Variants in KCNH1 observed in about 807,000 individuals in gnomAD.
KCNH1 encodes potassium voltage-gated channel subfamily H member 1.
KCNH1 carries 27 observed loss-of-function variants against 69.2 expected under a neutral mutation model. The observed-to-expected ratio is 0.39, with a 90% CI of 0.29 to 0.54. KCNH1 has a LOEUF of 0.54. Ranked by LOEUF, KCNH1 falls within the 20% of genes least tolerant of loss-of-function variation. The probability of loss-of-function intolerance (pLI) is 0.68; values close to 1 mark genes in which losing one functional copy is unlikely to be tolerated. For missense variants in KCNH1, 798 were observed against 1,261.6 expected, an observed-to-expected ratio of 0.63 and a Z score of 5.57; for synonymous variants, 456 against 487.7, an observed-to-expected ratio of 0.93 and a Z score of 0.86.
At chr1:210,903,437 A>G (rs1273355133) in intron 7 of KCNH1, among the ~76,000 whole-genome samples, 1 of 152,156 alleles carries the variant, frequency 6.6e-6, no homozygotes, top group Non-Finnish European at 1.5e-5. Flanking sequence ...ATGGCCTCTT[A>G]ATGTCATTAA....
At chr1:211,031,811 A>G (rs1358711753) in intron 5 of KCNH1, among the ~76,000 whole-genome samples, 6 of 152,218 alleles carry the variant, frequency 3.9e-5, no homozygotes, top group African/African-American at 1.4e-4. Flanking sequence ...ATCATACTGA[A>G]TGGACAAAAA....
At chr1:210,891,626 T>C (rs1157593799) in intron 7 of KCNH1, among the ~76,000 whole-genome samples, 1 of 151,714 alleles carries the variant, frequency 6.6e-6, no homozygotes, top group Non-Finnish European at 1.5e-5. Flanking sequence ...GGAGTGTAAA[T>C]TAGTTCAACT....
chr1:210,750,342 G>A (rs1683255940), intron 10 of KCNH1, among the ~76,000 whole-genome samples: 1 of 152,150 alleles, frequency 6.6e-6, no homozygotes, highest in African/African-American at 2.4e-5. Context: ...CACACACGAG[G>A]ACTTGCACAC....
intron 6 of KCNH1, among the ~76,000 whole-genome samples, chr1:210,955,275 A>G (rs189365211): frequency 1.7e-4 from 26 of 152,302 alleles, no homozygotes; most frequent in Non-Finnish European, 2.9e-4. Flanking sequence ...CTGCTTTGGT[A>G]CCAGAAGCAT....
Position 211,107,316 on chromosome 1 carries a change from A to G in KCNH1, c.141T>C (p.Asp47=), listed in dbSNP as rs748800528. ...IVDWPIVYSN[D]GFCKLSGYHR... is the part of the protein sequence containing the mutation. Reference sequence around the variant, plus strand: ...GATAGCCAGACAGCTTGCAAAATCCATCATTGCTGTACACAATAGGCCAGT... The same window carrying G: ...GATAGCCAGACAGCTTGCAAAATCCGTCATTGCTGTACACAATAGGCCAGT... The change falls in exon 2 of 11, where the codon GAT becomes GAC. Residue 47 remains aspartate, a synonymous_variant. Coordinates refer to ENST00000271751, the MANE Select transcript of KCNH1 (RefSeq NM_172362.3). The G allele has an allele frequency of 5.6e-6, 9 of 1,613,632 alleles. No homozygotes were observed. The highest frequency in any genetic ancestry group is 1.1e-5 in the South Asian group (1 of 91,062).
intron 8 of KCNH1, among the ~76,000 whole-genome samples, chr1:210,803,071 G>T (rs1396554015): frequency 6.6e-6 from 1 of 152,134 alleles, no homozygotes; most frequent in Non-Finnish European, 1.5e-5. Context: ...TCACAGATCT[G>T]GGATGGAGGC....
At chr1:210,807,395 A>G (rs1453942568) in intron 7 of KCNH1, among the ~76,000 whole-genome samples, 1 of 152,116 alleles carries the variant, frequency 6.6e-6, no homozygotes, top group Non-Finnish European at 1.5e-5. Context: ...ACTTGAGGCC[A>G]GGAGTTTAAG....
chr1:210,965,746 T>C (rs1298867263), intron 6 of KCNH1, among the ~76,000 whole-genome samples: 3 of 152,062 alleles, frequency 2.0e-5, no homozygotes, highest in Admixed American at 6.6e-5. Flanking sequence ...CATAAACAAA[T>C]TGAAAAACAT....
chr1:210,880,441 A>C (rs1446198117), intron 7 of KCNH1, among the ~76,000 whole-genome samples: 1 of 152,212 alleles, frequency 6.6e-6, no homozygotes, highest in African/African-American at 2.4e-5. Flanking sequence ...ACATACAAAT[A>C]TAGTTAATTG....
chr1:210,846,893 A>G (rs1412414666), intron 7 of KCNH1, among the ~76,000 whole-genome samples: 1 of 152,192 alleles, frequency 6.6e-6, no homozygotes, highest in African/African-American at 2.4e-5. Flanking sequence ...AGAAAAATCA[A>G]ACAACCCCAT....
chr1:210,878,039 C>A (rs1273108084), intron 7 of KCNH1, among the ~76,000 whole-genome samples: 1 of 152,050 alleles, frequency 6.6e-6, no homozygotes, highest in Non-Finnish European at 1.5e-5. Context: ...ACTTATAAGT[C>A]TCCAGCTAAA....
chr1:210,698,381 G>A (rs893596693), intron 10 of KCNH1, among the ~76,000 whole-genome samples: 2 of 152,196 alleles, frequency 1.3e-5, no homozygotes, highest in African/African-American at 4.8e-5. Flanking sequence ...GCCAAAGTGG[G>A]TTCCTAGTCC....
intron 10 of KCNH1, among the ~76,000 whole-genome samples, chr1:210,744,303 G>A (rs756378291): frequency 6.6e-6 from 1 of 152,194 alleles, no homozygotes; most frequent in Admixed American, 6.5e-5. Context: ...TCCTAATACA[G>A]TGGTCCTCAA....
intron 3 of KCNH1, among the ~76,000 whole-genome samples, chr1:211,101,835 A>G (rs1691264148): frequency 6.6e-6 from 1 of 152,246 alleles, no homozygotes; most frequent in South Asian, 2.1e-4. Flanking sequence ...CATGCCTTAC[A>G]CAAAGCTTAT....
chr1:210,774,256 G>A (rs1683814540), intron 10 of KCNH1, among the ~76,000 whole-genome samples: 1 of 152,180 alleles, frequency 6.6e-6, no homozygotes, highest in African/African-American at 2.4e-5. Flanking sequence ...GCAGACACGA[G>A]GCAGGAAGGT....
chr1:210,813,763 C>T (rs1020413579), intron 7 of KCNH1, among the ~76,000 whole-genome samples: 4 of 152,162 alleles, frequency 2.6e-5, no homozygotes, highest in African/African-American at 9.7e-5. Context: ...TGTCCTCACC[C>T]AAATCTCATC....
At chr1:210,778,816 A>C (rs1440542909) in intron 9 of KCNH1, among the ~76,000 whole-genome samples, 1 of 152,216 alleles carries the variant, frequency 6.6e-6, no homozygotes, top group Non-Finnish European at 1.5e-5. Flanking sequence ...CCTGATTTGT[A>C]TTAAGATTAC....
chr1:210,756,918 T>C (rs554588822), intron 10 of KCNH1, among the ~76,000 whole-genome samples: 10 of 152,312 alleles, frequency 6.6e-5, no homozygotes, highest in African/African-American at 2.4e-4. Flanking sequence ...AGCTGGATAG[T>C]GATTTCTCTC....
chr1:211,087,748 T>C (rs143634297), intron 4 of KCNH1, among the ~76,000 whole-genome samples: 80 of 151,272 alleles, frequency 5.3e-4, no homozygotes, highest in Non-Finnish European at 8.7e-4. Context: ...TGTCAGAGAG[T>C]AAGAGAATTA....
Sources: gnomAD v4.1 joint callset for allele counts (sites outside exome capture counted in the v4.1 genomes callset) on GRCh38, gnomAD v4.1.1 for gene constraint, MANE v1.5 for transcripts, NCBI Gene and HGNC (gene_info 2026-07-23, HGNC 2026-07-21) for gene names.